The following TDRD10 variants were observed in gnomAD, a reference collection of about 807,000 sequenced individuals.
The protein encoded by TDRD10 is tudor domain-containing protein 10.
In TDRD10, 40 loss-of-function variants were observed where a neutral mutation model predicts 48.0. The observed-to-expected ratio is 0.83, with a 90% CI of 0.65 to 1.09. The LOEUF (loss-of-function observed/expected upper bound fraction) is 1.09. Among genes scored for constraint, TDRD10 ranks in the 50% least tolerant of loss-of-function variants. The pLI is 0.00. For synonymous variants in TDRD10, 162 were observed against 170.4 expected (o/e 0.95, Z 0.38); for missense variants, 378 against 434.7 (o/e 0.87, Z 1.16).
At position 154,542,069 on chromosome 1, in the gene TDRD10, G is replaced by A; in HGVS notation, c.412+3G>A. On this transcript the variant is annotated splice_donor_region_variant and intron_variant, in intron 7 of 12. Coordinates refer to ENST00000368482, the MANE Select transcript of TDRD10 (RefSeq NM_182499.4). ...TGAAGGATTTGGCAAAACCGCCGGT[G>A]AGATTCTGCGCTGCCATCCTTTCCC... The A allele has an allele frequency of 1.2e-5, 19 of 1,613,932 alleles. No homozygotes were observed. Among genetic ancestry groups the A allele is most frequent in the Non-Finnish European group, 1.6e-5 (19 of 1,179,914 alleles).
intron 5 of TDRD10, 101 bp downstream of exon 5, chr1:154,520,475 A>G: frequency 1.2e-6 from 1 of 859,322 alleles, no homozygotes; most frequent in Non-Finnish European, 1.9e-6. Flanking sequence ...AGCAACCGCC[A>G]CGTCCACACC....
At chr1:154,524,831 G>A (rs971087380) in intron 6 of TDRD10, among the ~76,000 whole-genome samples, 3 of 152,076 alleles carry the variant, frequency 2.0e-5, no homozygotes, top group African/African-American at 4.8e-5. Context: ...CCTTCACAGC[G>A]ACTGTTCTCT....
chr1:154,520,462 C>A, intron 5 of TDRD10, 88 bp downstream of exon 5: 1 of 1,033,456 alleles, frequency 9.7e-7, no homozygotes, highest in Non-Finnish European at 1.5e-6. Context: ...TGCAGACTAG[C>A]CCAGCAACCG....
At chr1:154,505,189 G>A (rs1200844370) in intron 1 of TDRD10, among the ~76,000 whole-genome samples, 1 of 152,162 alleles carries the variant, frequency 6.6e-6, no homozygotes, top group Non-Finnish European at 1.5e-5. Flanking sequence ...TGCATCTCCG[G>A]GACTTCATCT....
chr1:154,503,993 CA>C (rs1215337316), intron 1 of TDRD10, among the ~76,000 whole-genome samples: 1 of 152,208 alleles, frequency 6.6e-6, no homozygotes, highest in Admixed American at 6.5e-5. Context: ...ACATCTCCAT[CA>C]CCCCCAAAAG....
At chr1:154,511,278 G>T (rs993888486) in intron 4 of TDRD10, among the ~76,000 whole-genome samples, 1 of 150,828 alleles carries the variant, frequency 6.6e-6, no homozygotes, top group Non-Finnish European at 1.5e-5. Flanking sequence ...CTATTTTTTT[G>T]TGTTTTTAGT....
chr1:154,520,821 T>G (rs1439409162), intron 5 of TDRD10, among the ~76,000 whole-genome samples: 1 of 147,502 alleles, frequency 6.8e-6, no homozygotes, highest in Admixed American at 6.7e-5. Flanking sequence ...CACTGCAACT[T>G]CCACCTCCTA....
At chr1:154,542,292 G>T (rs1695286809) in intron 7 of TDRD10, among the ~76,000 whole-genome samples, 8 of 152,100 alleles carry the variant, frequency 5.3e-5, no homozygotes, top group Admixed American at 4.6e-4. Flanking sequence ...CAGTGGCATG[G>T]TCATAGCTCA....
intron 8 of TDRD10, 62 bp downstream of exon 8, chr1:154,542,883 A>G (rs375486822): frequency 7.9e-6 from 11 of 1,390,910 alleles, no homozygotes; most frequent in East Asian, 2.3e-5. Context: ...TCTGTCCCCC[A>G]GAGAGTGGGG....
chr1:154,527,681 C>T (rs1254776810), intron 6 of TDRD10, among the ~76,000 whole-genome samples: 1 of 152,060 alleles, frequency 6.6e-6, no homozygotes, highest in African/African-American at 2.4e-5. Flanking sequence ...TAAAGACCAC[C>T]TCTTTGAAAG....
At chr1:154,528,214 TA>T (rs56022323) in intron 6 of TDRD10, among the ~76,000 whole-genome samples, 29,206 of 144,780 alleles carry the variant, frequency 0.2, 2,972 homozygotes, top group South Asian at 0.23. Context: ...CCTCGTCTCT[TA>T]AAAAAAAAAA....
rs766303059 is a variant in TDRD10 at position 154,543,951 on chromosome 1, C to G, written c.504-12C>G. On this transcript the variant is annotated splice_polypyrimidine_tract_variant and intron_variant, in intron 8 of 12. Coordinates refer to ENST00000368482, the MANE Select transcript of TDRD10 (RefSeq NM_182499.4). ...GTCGTTCCTTTCCTTGCTCCCCTTG[C>G]TCTTCCCGCAGAGGGTCCTTCCTGG... The G allele has an allele frequency of 1.2e-6, 2 of 1,613,234 alleles. No homozygotes were observed. Among genetic ancestry groups the G allele is most frequent in the African/African-American group, 2.7e-5 (2 of 74,890 alleles).
chr1:154,510,809 G>A (rs1324317121), intron 4 of TDRD10, among the ~76,000 whole-genome samples: 1 of 151,870 alleles, frequency 6.6e-6, no homozygotes, highest in Admixed American at 6.6e-5. Flanking sequence ...CGCTTTGGGA[G>A]GCTGAGACGG....
chr1:154,538,792 G>T (rs991566895), intron 6 of TDRD10, among the ~76,000 whole-genome samples: 15 of 152,074 alleles, frequency 9.9e-5, no homozygotes, highest in African/African-American at 3.6e-4. Flanking sequence ...GGCAGAGCTT[G>T]CAGTGAGCCT....
At chr1:154,509,044 C>T (rs757601284) in intron 4 of TDRD10, among the ~76,000 whole-genome samples, 2 of 148,786 alleles carry the variant, frequency 1.3e-5, no homozygotes, top group African/African-American at 2.5e-5. Context: ...ATTCGAAATA[C>T]AGATGAAAGG....
chr1:154,526,256 CCAGGCCTA>C (rs553196929), intron 6 of TDRD10, among the ~76,000 whole-genome samples: 1,729 of 151,350 alleles, frequency 0.011, 15 homozygotes, highest in Non-Finnish European at 0.016. Flanking sequence ...AAAAATCTAG[CCAGGCCTA>C]CAGGCACTTT....
intron 6 of TDRD10, among the ~76,000 whole-genome samples, chr1:154,529,589 A>G (rs2149335826): frequency 6.8e-6 from 1 of 147,294 alleles, no homozygotes; most frequent in South Asian, 2.1e-4. Context: ...CCTGTTGACC[A>G]GGCTGAAGTG....
At chr1:154,543,317 C>T (rs746653865) in intron 8 of TDRD10, among the ~76,000 whole-genome samples, 2 of 152,076 alleles carry the variant, frequency 1.3e-5, no homozygotes, top group East Asian at 1.9e-4. Context: ...AATCAGCTTC[C>T]ACTTATGTAC....
At chr1:154,518,751 G>A (rs570278193) in intron 4 of TDRD10, among the ~76,000 whole-genome samples, 1 of 152,158 alleles carries the variant, frequency 6.6e-6, no homozygotes, top group African/African-American at 2.4e-5. Context: ...TACTTCATGC[G>A]TTGAAGGCCA....
Sources: gnomAD v4.1 joint callset for allele counts (sites outside exome capture counted in the v4.1 genomes callset) on GRCh38, gnomAD v4.1.1 for gene constraint, MANE v1.5 for transcripts, NCBI Gene and HGNC (gene_info 2026-07-23, HGNC 2026-07-21) for gene names.